HMCN2: variants seen among roughly 807,000 people sequenced by gnomAD.
HMCN2 encodes the protein hemicentin 2.
A neutral mutation model predicts 377.5 loss-of-function variants in HMCN2; 325 were observed. That is an observed-to-expected ratio of 0.86 (90% confidence interval 0.79 to 0.94). The LOEUF is 0.94. Among genes scored for constraint, HMCN2 ranks in the 40% least tolerant of loss-of-function variants. The probability of loss-of-function intolerance (pLI) is 0.00; values close to 1 mark genes in which losing one functional copy is unlikely to be tolerated. For synonymous variants in HMCN2, 2,007 were observed against 2,046.8 expected (o/e 0.98, Z 0.53); for missense variants, 4,543 against 4,725.3 (o/e 0.96, Z 1.13).
intron 74 of HMCN2, among the ~76,000 whole-genome samples, chr9:130,398,225 C>T (rs531476333): frequency 8.2e-4 from 123 of 150,486 alleles, no homozygotes; most frequent in African/African-American, 2.8e-3. Context: ...GAATCAGATG[C>T]CCCAGTCTCC....
Position 130,433,584 on chromosome 9 carries a change from G to A in HMCN2, c.15131G>A (p.Arg5044His), listed in dbSNP as rs988730712. Residue 5044 changes from arginine to histidine, a missense_variant, in exon 98 of 98, where the codon CGT becomes CAT. Physicochemically the swap from Arg to His is conservative, Grantham distance 29. Transcript: ENST00000683500. ...LRAGLGAVYT[R>H]RALTRAGLYR... ...GCGGGCCTTGGCGCGGTCTACACCCGTCGCGCGCTCACCCGCGCCGGCCTC... is the reference window on the plus strand; with the variant it reads ...GCGGGCCTTGGCGCGGTCTACACCCATCGCGCGCTCACCCGCGCCGGCCTC... The A allele has an allele frequency of 2.7e-6, 4 of 1,507,400 alleles. No homozygotes were observed. Among genetic ancestry groups the A allele is most frequent in the Admixed American group, 2.2e-5 (1 of 44,724 alleles). 93.4% of individuals were successfully genotyped at this position (1,507,400 alleles called of 1,614,324 possible).
chr9:130,412,779 G>T (rs1843499328), intron 85 of HMCN2, among the ~76,000 whole-genome samples: 1 of 152,026 alleles, frequency 6.6e-6, no homozygotes, highest in South Asian at 2.1e-4. Context: ...GTTTCGTCGT[G>T]TTGCCCAGGC....
Position 130,432,745 on chromosome 9 carries a change from CAG to C in HMCN2, c.14894+192_14894+193del, listed in dbSNP as rs1844838498. 4.8e-6 allele frequency: 3 copies of C among 619,918 alleles called. No individual in the cohort carries two copies. In the Admixed American group the frequency reaches 8.6e-5, roughly 18 times the overall value. The allele number at this position is 619,918 out of a possible 1,614,324, so 38.4% of individuals were successfully genotyped here. A position where few individuals can be genotyped will look rare whatever the true frequency, so the allele number is the denominator to read the frequency against. On this transcript the variant is annotated intron_variant, in intron 97 of 97. Coordinates refer to ENST00000683500, the MANE Select transcript of HMCN2 (RefSeq NM_001291815.2). ...ACACAGGAGCACACACACCAAACCC[CAG>C]ACACAGGACCACCATGCAGACTCAC...
In HMCN2 at chr9:130,390,986, C is replaced by T. The variant is rs1188235031; in HGVS notation, c.9533C>T (p.Ala3178Val). Residue 3178 changes from alanine to valine, a missense_variant, in exon 63 of 98, where the codon GCG (alanine) becomes GTG (valine). Coordinates refer to ENST00000683500, the MANE Select transcript of HMCN2 (RefSeq NM_001291815.2). ...CCCCTCTGTCCCACAGAGAGCAGCG[C>T]GGTGCACGGTGTGGTCTCCCGGGGG... is the stretch of plus-strand genomic sequence containing the variant. ...LKDRMPVESS[A>V]VHGVVSRGGR... is the part of the protein sequence containing the mutation. 33 of 986,950 alleles carry T rather than the reference C, an allele frequency of 3.3e-5. No homozygotes were observed. The highest frequency in any genetic ancestry group is 4.7e-5 in the South Asian group (1 of 21,346). The allele number at this position is 986,950 out of a possible 1,614,324, so 61.1% of individuals were successfully genotyped here. A position where few individuals can be genotyped will look rare whatever the true frequency, so the allele number is the denominator to read the frequency against.
chr9:130,348,835 G>A, intron 27 of HMCN2, 149 bp from the exon 28 acceptor site: 1 of 1,213,826 alleles, frequency 8.2e-7, no homozygotes, highest in Non-Finnish European at 1.1e-6. Context: ...TAGTGGTCAT[G>A]TAGTGAAGCC....
intron 74 of HMCN2, 137 bp downstream of exon 74, chr9:130,397,792 A>T: frequency 1.3e-6 from 1 of 775,848 alleles, no homozygotes; most frequent in Non-Finnish European, 1.8e-6. Flanking sequence ...CCATTAGTAA[A>T]AAGTTGTGAT....
At chr9:130,390,187 C>T (rs1373803433) in intron 62 of HMCN2, among the ~76,000 whole-genome samples, 4 of 152,226 alleles carry the variant, frequency 2.6e-5, no homozygotes, top group African/African-American at 9.6e-5. Context: ...TCTGCTCCCC[C>T]CGGCTGACTA....
At position 130,414,098 on chromosome 9, in the gene HMCN2, A is replaced by G. The variant is rs1056968332; in HGVS notation, c.12961+3446A>G. Among the ~76,000 whole-genome samples, 2 of 151,952 alleles carry G rather than the reference A, an allele frequency of 1.3e-5. No homozygotes were observed. Among genetic ancestry groups the G allele is most frequent in the Non-Finnish European group, 2.9e-5 (2 of 68,004 alleles). On this transcript the variant is annotated intron_variant, in intron 85 of 97. Coordinates refer to ENST00000683500, the MANE Select transcript of HMCN2 (RefSeq NM_001291815.2). This position sits in a 1 kb window ranked among gnomAD's most constrained non-coding sequence, Gnocchi z 4.4. ...ACACCCCTGCCCCATCATCACACCAACTGGGAGCCTCTAACTTCCACCCTC... is the reference window on the plus strand; with the variant it reads ...ACACCCCTGCCCCATCATCACACCAGCTGGGAGCCTCTAACTTCCACCCTC...
In HMCN2 at chr9:130,422,828, C is replaced by T. The variant is rs747171686; in HGVS notation, c.13381+102C>T. On this transcript the variant is annotated intron_variant, in intron 87 of 97. Coordinates refer to ENST00000683500, the MANE Select transcript of HMCN2 (RefSeq NM_001291815.2). This position sits in a 1 kb window ranked among gnomAD's most constrained non-coding sequence, Gnocchi z 4.2. ...CCTAGGAGGCGCAGAGCCTGTGCCC[C>T]GAGACTTGCTCAAGGCCTGATGACC... 290 of 999,756 alleles carry T rather than the reference C, an allele frequency of 2.9e-4. No individual in the cohort carries two copies. Among genetic ancestry groups the T allele is most frequent in the South Asian group, 1.7e-3 (35 of 20,618 alleles). 61.9% of individuals were successfully genotyped at this position (999,756 alleles called of 1,614,324 possible).
At chr9:130,340,909 C>T (rs1235917475) in intron 23 of HMCN2, among the ~76,000 whole-genome samples, 1 of 152,196 alleles carries the variant, frequency 6.6e-6, no homozygotes, top group Non-Finnish European at 1.5e-5. Context: ...TTCAGGAGTG[C>T]GTGTGTTCAG....
At position 130,402,777 on chromosome 9, in the gene HMCN2, T is replaced by C; in HGVS notation, c.11771-12T>C. The C allele has an allele frequency of 1.6e-6, 2 of 1,288,828 alleles. No individual in the cohort carries two copies. Among genetic ancestry groups the C allele is most frequent in the Non-Finnish European group, 2.0e-6 (2 of 988,078 alleles). 79.8% of individuals were successfully genotyped at this position (1,288,828 alleles called of 1,614,324 possible). ...TCTGTCCTGATCCCCTCACCCTGAT[T>C]CCCACCAACAGGCGCCCTGGAGATC... is the stretch of plus-strand genomic sequence containing the variant. On this transcript the variant is annotated splice_polypyrimidine_tract_variant and intron_variant, in intron 77 of 97. Coordinates refer to ENST00000683500, the MANE Select transcript of HMCN2 (RefSeq NM_001291815.2).
intron 43 of HMCN2, among the ~76,000 whole-genome samples, chr9:130,366,845 T>C (rs1448752681): frequency 6.6e-6 from 1 of 152,112 alleles, no homozygotes; most frequent in Non-Finnish European, 1.5e-5. Context: ...ACCCTCACAA[T>C]GGGGGCAGTC....
At chr9:130,323,690 C>A (rs1802357314) in intron 19 of HMCN2, among the ~76,000 whole-genome samples, 1 of 145,322 alleles carries the variant, frequency 6.9e-6, no homozygotes, top group African/African-American at 2.5e-5. Context: ...CCATTGAAAG[C>A]TTTTTTTTTT....
intron 5 of HMCN2, 101 bp downstream of exon 5, chr9:130,295,127 C>T (rs1836046592): frequency 6.7e-6 from 2 of 297,896 alleles, no homozygotes; most frequent in Non-Finnish European, 1.4e-5. Flanking sequence ...GGGCTTCAGA[C>T]ATGAGGCTCC....
intron 8 of HMCN2, among the ~76,000 whole-genome samples, chr9:130,301,809 C>T (rs2131336356): frequency 6.6e-6 from 1 of 152,334 alleles, no homozygotes; most frequent in African/African-American, 2.4e-5. Flanking sequence ...AAGGTTGAGC[C>T]CTTGCCAGGG....
intron 84 of HMCN2, among the ~76,000 whole-genome samples, chr9:130,409,610 C>A (rs1222270504): frequency 6.6e-6 from 1 of 152,134 alleles, no homozygotes; most frequent in Non-Finnish European, 1.5e-5. Context: ...CTCCTGTTAC[C>A]CAAGTACTAA....
rs1431191863 is a variant in HMCN2 at position 130,303,933 on chromosome 9, C to T, written c.1543+325C>T. Among the ~76,000 whole-genome samples the T allele has an allele frequency of 2.6e-5, 4 of 152,210 alleles. No homozygotes were observed. The highest frequency in any genetic ancestry group is 4.8e-5 in the African/African-American group (2 of 41,454). On this transcript the variant is annotated intron_variant, in intron 10 of 97. Transcript: ENST00000683500. The surrounding 1 kb of genome is among the most constrained non-coding windows in gnomAD (Gnocchi z 5.2). Reference sequence around the variant, plus strand: ...CGTGGTCGGGACAACCTTCGTGCCTCCAAGTCCCGGCCAGGATGGCGCCAT... The same window carrying T: ...CGTGGTCGGGACAACCTTCGTGCCTTCAAGTCCCGGCCAGGATGGCGCCAT...
intron 22 of HMCN2, among the ~76,000 whole-genome samples, chr9:130,330,150 C>T (rs989187143): frequency 1.3e-5 from 2 of 152,054 alleles, no homozygotes; most frequent in Admixed American, 1.3e-4. Flanking sequence ...CTGGCTGATG[C>T]GTCTGGTGAG....
At chr9:130,322,796 AC>A (rs1302096201) in intron 19 of HMCN2, among the ~76,000 whole-genome samples, 1 of 152,144 alleles carries the variant, frequency 6.6e-6, no homozygotes, top group Non-Finnish European at 1.5e-5. Context: ...TCTTTTATTC[AC>A]CCAACTGGAA....
Sources: allele counts gnomAD v4.1 joint callset (sites outside exome capture counted in the v4.1 genomes callset), GRCh38; gene constraint gnomAD v4.1.1; non-coding constraint Gnocchi (gnomAD v3.1); transcripts MANE v1.5; gene names NCBI Gene and HGNC (gene_info 2026-07-23, HGNC 2026-07-21).